PKD1L3: variants seen among roughly 807,000 people sequenced by gnomAD.
PKD1L3 encodes polycystin 1 like 3, transient receptor potential channel interacting, also known as polycystin-1-like protein 3.
Under a neutral mutation model 184.1 loss-of-function variants are expected in PKD1L3, and 239 were observed. That is an observed-to-expected ratio of 1.30 (90% confidence interval 1.17 to 1.45). The LOEUF is 1.45. Ranked by LOEUF, PKD1L3 falls within the 40% of genes most tolerant of loss-of-function variation. The pLI is 0.00. For synonymous variants in PKD1L3, 996 were observed against 778.8 expected, an observed-to-expected ratio of 1.28 and a Z score of -4.64; for missense variants, 2,660 against 2,067.2, an observed-to-expected ratio of 1.29 and a Z score of -5.56.
At position 71,975,446 on chromosome 16, in the gene PKD1L3, C is replaced by G. The variant is rs575717015; in HGVS notation, c.1759+1790G>C. Among the ~76,000 whole-genome samples the G allele has an allele frequency of 5.3e-5, 8 of 152,190 alleles. No homozygotes were observed. In the South Asian group the frequency reaches 1.2e-3, roughly 24 times the overall value. ...CATTCTGATTTTATACCAAGGCATA[C>G]TGAGATATCATCAGGCCTTTCTTCC... On this transcript the variant is annotated intron_variant, in intron 11 of 29. Coordinates refer to ENST00000620267, the MANE Select transcript of PKD1L3 (RefSeq NM_181536.2).
intron 28 of PKD1L3, chr16:71,930,548 A>T (rs1323085886): frequency 6.1e-6 from 1 of 162,670 alleles, no homozygotes; most frequent in African/African-American, 2.4e-5. Context: ...CATACCAGAA[A>T]TGAGAATGCA....
intron 25 of PKD1L3, among the ~76,000 whole-genome samples, 164 bp from the exon 26 acceptor site, chr16:71,935,682 T>C (rs1220942862): frequency 1.3e-5 from 2 of 152,242 alleles, no homozygotes; most frequent in African/African-American, 4.8e-5. Context: ...TTCAGGTCTG[T>C]AGTCTTCAGA....
chr16:71,979,875 G>A lies in PKD1L3; in HGVS notation c.1309C>T (p.Leu437=). The A allele has an allele frequency of 1.3e-6, 2 of 1,543,322 alleles. No homozygotes were observed. The highest frequency in any genetic ancestry group is 1.7e-6 in the Non-Finnish European group (2 of 1,145,348). Residue 437 remains leucine (L), a synonymous_variant, in exon 9 of 30, where the codon CTG becomes TTG. Coordinates refer to ENST00000620267, the MANE Select transcript of PKD1L3 (RefSeq NM_181536.2). ...AGCCTCACAGGGGCTGGGTGACCCA[G>A]AGTGTAAGAGCTCAGCGGTAAAGTT... The part of the protein sequence containing the change: ...ISTLPLSSYT[L]GHPAPVRLGF...
At chr16:71,954,049 C>CA (rs1555517214) in intron 17 of PKD1L3, 56 bp downstream of exon 17, 7,176 of 1,110,876 alleles carry the variant, frequency 6.5e-3, no homozygotes, top group Middle Eastern at 9.6e-3. Context: ...GACCCTGTCT[C>CA]AAAAAAAAAA....
chr16:71,999,576 G>C (rs991568518), intron 1 of PKD1L3, 108 bp downstream of exon 1: 2 of 1,131,110 alleles, frequency 1.8e-6, no homozygotes, highest in African/African-American at 3.2e-5. Context: ...AAAGTGACTG[G>C]TTTTTCTGTC....
chr16:71,993,818 A>T (rs1321224628), intron 2 of PKD1L3, among the ~76,000 whole-genome samples: 1 of 152,226 alleles, frequency 6.6e-6, no homozygotes, highest in East Asian at 1.9e-4. Context: ...TCTGTTGCCC[A>T]GGCTGGAATG....
chr16:71,935,609 T>C, intron 25 of PKD1L3, 91 bp from the exon 26 acceptor site: 1 of 1,237,692 alleles, frequency 8.1e-7, no homozygotes, highest in Non-Finnish European at 1.1e-6. Context: ...CTGATGTCTG[T>C]GGGCAAAGCA....
intron 22 of PKD1L3, among the ~76,000 whole-genome samples, chr16:71,945,263 T>C (rs1287061999): frequency 1.0e-5 from 1 of 98,980 alleles, no homozygotes; most frequent in Non-Finnish European, 2.1e-5. Context: ...CTGAATTTCT[T>C]AACTATATAT....
chr16:71,995,566 A>C (rs1337315306), intron 2 of PKD1L3, among the ~76,000 whole-genome samples: 1 of 152,222 alleles, frequency 6.6e-6, no homozygotes, highest in Admixed American at 6.5e-5. Context: ...CCACTAAAAA[A>C]ATACATCATA....
At chr16:71,997,311 G>A (rs1354571165) in intron 2 of PKD1L3, among the ~76,000 whole-genome samples, 5 of 151,974 alleles carry the variant, frequency 3.3e-5, no homozygotes, top group Admixed American at 6.6e-5. Flanking sequence ...CCAAGGCCGG[G>A]CACGGTGGCT....
At position 71,993,268 on chromosome 16, in the gene PKD1L3, T is replaced by A. The variant is rs1480019620; in HGVS notation, c.483A>T (p.Arg161Ser). 6.4e-7 allele frequency: 1 copy of A among 1,550,958 alleles called. No homozygotes were observed. The highest frequency in any genetic ancestry group is 1.2e-5 in the South Asian group (1 of 83,870). Residue 161 changes from arginine to serine, a missense_variant, in exon 3 of 30, where the codon AGA (arginine) becomes AGT (serine). Coordinates refer to ENST00000620267, the MANE Select transcript of PKD1L3 (RefSeq NM_181536.2). The part of the protein sequence containing the change: ...RNGNNSHLYQ[R>S]HKKTKRGVAI... ...CAACTCCTCTTTTTGTCTTCTTGTG[T>A]CTCTGGTACAAATGGGAATTATTTC...
chr16:71,967,459 A>G, intron 14 of PKD1L3, 144 bp from the exon 15 acceptor site: 4 of 850,040 alleles, frequency 4.7e-6, no homozygotes, highest in Admixed American at 2.9e-5. Context: ...TTCTTCATAT[A>G]TGCAGTATAG....
Position 71,983,659 on chromosome 16 carries a change from C to CTTTTTTTTTTTTTTT in PKD1L3, c.966+376_966+377insAAAAAAAAAAAAAAA, listed in dbSNP as rs66523761. On this transcript the variant is annotated intron_variant, in intron 6 of 29. Transcript: ENST00000620267. ...GCATAAGGCACAATCTCCAGATTCT[C>CTTTTTTTTTTTTTTT]TTTCTTTTTTTTTTTTTTTTTTTTT... Among the ~76,000 whole-genome samples the CTTTTTTTTTTTTTTT allele has an allele frequency of 6.5e-5, 6 of 92,396 alleles. 2 individuals are homozygous for CTTTTTTTTTTTTTTT. Among genetic ancestry groups the CTTTTTTTTTTTTTTT allele is most frequent in the South Asian group, 8.4e-4 (2 of 2,376 alleles). 60.6% of individuals were successfully genotyped at this position (92,396 alleles called of 152,430 possible). A position where few individuals can be genotyped will look rare whatever the true frequency, so the allele number is the denominator to read the frequency against.
Position 71,978,235 on chromosome 16 carries a change from C to A in PKD1L3, c.1527+20G>T, listed in dbSNP as rs1387634846. ...ATATCCCATTCTCTTCTATTTTATT[C>A]CCTAAGAATCAGTTCCTACCTCAAT... On this transcript the variant is annotated intron_variant, in intron 10 of 29. Transcript: ENST00000620267. The A allele has an allele frequency of 1.0e-5, 16 of 1,543,860 alleles. No homozygotes were observed. The highest frequency in any genetic ancestry group is 1.2e-5 in the Non-Finnish European group (14 of 1,141,386).
At chr16:71,998,191 C>T (rs987124427) in intron 2 of PKD1L3, 81 bp downstream of exon 2, 2 of 1,508,726 alleles carry the variant, frequency 1.3e-6, no homozygotes, top group Admixed American at 2.0e-5. Flanking sequence ...GACTATTTAA[C>T]CAATATTCTC....
At chr16:71,999,643 A>C in intron 1 of PKD1L3, 41 bp downstream of exon 1, 1 of 1,416,586 alleles carries the variant, frequency 7.1e-7, no homozygotes, top group Non-Finnish European at 9.3e-7. Context: ...AATAAAATAT[A>C]AGGAAGTTTC....
At chr16:71,960,749 T>C (rs1248025139) in intron 16 of PKD1L3, among the ~76,000 whole-genome samples, 1 of 152,146 alleles carries the variant, frequency 6.6e-6, no homozygotes, top group African/African-American at 2.4e-5. Context: ...AATAAATATG[T>C]CTATATATGT....
rs1183361889 is a variant in PKD1L3 at position 71,951,662 on chromosome 16, C to T, written c.3092G>A (p.Trp1031Ter). The T allele has an allele frequency of 6.4e-7, 1 of 1,551,572 alleles. No individual in the cohort carries two copies. The highest frequency in any genetic ancestry group is 2.4e-5 in the East Asian group (1 of 40,932). The change falls in exon 19 of 30, where the codon TGG (tryptophan) becomes TAG (stop). Residue 1031 changes from tryptophan to a stop codon, truncating the protein, a stop_gained. Transcript: ENST00000620267. LOFTEE classifies it high-confidence loss of function. Reference protein sequence around the residue: ...SKCEQPPWSSWDITKLVKLLS... With the variant: ...SKCEQPPWSS ...AAGTTTCACCAGCTTAGTAATGTCCCAAGAACTCCATGGCGGCTGCTCACA... is the reference window on the plus strand; with the variant it reads ...AAGTTTCACCAGCTTAGTAATGTCCTAAGAACTCCATGGCGGCTGCTCACA...
rs375160560 is a variant in PKD1L3 at position 71,977,229 on chromosome 16, G to A, written c.1759+7C>T. 2.3e-5 allele frequency: 34 copies of A among 1,503,480 alleles called. No individual in the cohort carries two copies. Among genetic ancestry groups the A allele is most frequent in the Non-Finnish European group, 2.8e-5 (31 of 1,103,424 alleles). 93.1% of individuals were successfully genotyped at this position (1,503,480 alleles called of 1,614,324 possible). ...AAGTAAGTTTCTGACAGCTGATTGG[G>A]TTTTACCTTTTTGCCACACCTTATC... On this transcript the variant is annotated splice_region_variant and intron_variant, in intron 11 of 29. Coordinates refer to ENST00000620267, the MANE Select transcript of PKD1L3 (RefSeq NM_181536.2).
Sources: allele counts gnomAD v4.1 joint callset (sites outside exome capture counted in the v4.1 genomes callset), GRCh38; gene constraint gnomAD v4.1.1; transcripts MANE v1.5; gene names NCBI Gene and HGNC (gene_info 2026-07-23, HGNC 2026-07-21).